FIP1L1: variants seen among roughly 807,000 people sequenced by gnomAD.
FIP1L1 encodes factor interacting with PAPOLA and CPSF1.
Under a neutral mutation model 84.6 loss-of-function variants are expected in FIP1L1, and 21 were observed. The observed-to-expected ratio is 0.25, with a 90% CI of 0.18 to 0.36. The LOEUF (loss-of-function observed/expected upper bound fraction) is 0.36. FIP1L1 is among the 10% of genes least tolerant of loss of function. The pLI is 1.00. For missense variants in FIP1L1, 526 were observed against 751.1 expected (o/e 0.70, Z 3.50); for synonymous variants, 263 against 242.3 (o/e 1.09, Z -0.80).
At chr4:53,439,875 C>T (rs1325849025) in intron 13 of FIP1L1, among the ~76,000 whole-genome samples, 3 of 151,876 alleles carry the variant, frequency 2.0e-5, no homozygotes, top group Non-Finnish European at 2.9e-5. Flanking sequence ...CATTTGGTCC[C>T]TGTAAATTAA....
intron 10 of FIP1L1, among the ~76,000 whole-genome samples, chr4:53,405,317 GT>G (rs758107359): frequency 6.6e-6 from 1 of 152,136 alleles, no homozygotes; most frequent in Non-Finnish European, 1.5e-5. Context: ...TCAGATAGTT[GT>G]AGACATGCGG....
chr4:53,397,986 C>A (rs1180137969), intron 9 of FIP1L1, among the ~76,000 whole-genome samples: 1 of 152,152 alleles, frequency 6.6e-6, no homozygotes, highest in African/African-American at 2.4e-5. Context: ...AGTGTCAACT[C>A]TGAATATTCC....
At chr4:53,437,665 T>C (rs929381333) in intron 13 of FIP1L1, among the ~76,000 whole-genome samples, 2 of 151,930 alleles carry the variant, frequency 1.3e-5, no homozygotes. Context: ...TTTAAGAGAC[T>C]CTCCAGGTGA....
chr4:53,440,837 C>A (rs1456905586), intron 13 of FIP1L1: 1 of 466,870 alleles, frequency 2.1e-6, no homozygotes. Flanking sequence ...TGAGAAAATT[C>A]TTACCTATTC....
intron 13 of FIP1L1, chr4:53,440,610 T>C: frequency 6.6e-7 from 1 of 1,521,470 alleles, no homozygotes; most frequent in Non-Finnish European, 9.0e-7. Context: ...CACCTCCAGG[T>C]AAAACTTTTT....
At chr4:53,402,837 A>G (rs557420860) in intron 10 of FIP1L1, among the ~76,000 whole-genome samples, 7 of 152,366 alleles carry the variant, frequency 4.6e-5, no homozygotes, top group South Asian at 2.1e-4. Context: ...AATATGAAGT[A>G]GAGAAGTTGC....
At position 53,389,790 on chromosome 4, in the gene FIP1L1, TTTG is replaced by T; in HGVS notation, c.333-16_333-14del. The T allele has an allele frequency of 2.5e-6, 4 of 1,589,242 alleles. No homozygotes were observed. The highest frequency in any genetic ancestry group is 1.2e-5 in the South Asian group (1 of 86,002). On this transcript the variant is annotated splice_polypyrimidine_tract_variant and intron_variant, in intron 5 of 17. Coordinates refer to ENST00000337488, the MANE Select transcript of FIP1L1 (RefSeq NM_030917.4). Reference sequence around the variant, plus strand: ...CTTTTCAGGATAATTTCTGTTTTTTTTTGTTTGTTTGTTTTTAGGAGTTATGGT... The same window carrying T: ...CTTTTCAGGATAATTTCTGTTTTTTTTTTGTTTGTTTTTAGGAGTTATGGT...
At chr4:53,413,036 C>T (rs116358082) in intron 10 of FIP1L1, among the ~76,000 whole-genome samples, 360 of 152,132 alleles carry the variant, frequency 2.4e-3, no homozygotes, top group African/African-American at 8.0e-3. Flanking sequence ...ACAAATGTAG[C>T]TTATTTGTAT....
intron 13 of FIP1L1, among the ~76,000 whole-genome samples, chr4:53,432,695 G>A (rs1234796869): frequency 2.0e-5 from 3 of 152,058 alleles, no homozygotes. Context: ...TTCTAATTTT[G>A]CACTGAGGAA....
chr4:53,385,512 A>G (rs1476018902), intron 5 of FIP1L1, among the ~76,000 whole-genome samples: 1 of 152,134 alleles, frequency 6.6e-6, no homozygotes, highest in Non-Finnish European at 1.5e-5. Flanking sequence ...TCTTCAAAAA[A>G]ACAAGAAACT....
chr4:53,390,450 TTC>T, intron 6 of FIP1L1, 69 bp from the exon 7 acceptor site: 1 of 875,896 alleles, frequency 1.1e-6, no homozygotes, highest in Non-Finnish European at 1.9e-6. Context: ...TGTTTATATT[TTC>T]TGTTTGTCTA....
intron 15 of FIP1L1, among the ~76,000 whole-genome samples, chr4:53,449,686 G>A (rs985817628): frequency 1.3e-5 from 2 of 152,032 alleles, no homozygotes; most frequent in African/African-American, 2.4e-5. Flanking sequence ...GGGAGTTTGT[G>A]TAATATTGGA....
intron 10 of FIP1L1, among the ~76,000 whole-genome samples, chr4:53,402,332 TG>T (rs149657201): frequency 0.018 from 2,744 of 152,178 alleles, 86 homozygotes; most frequent in African/African-American, 0.063. Context: ...TTTCTTTCTG[TG>T]GGGGCCAGAG....
intron 11 of FIP1L1, among the ~76,000 whole-genome samples, chr4:53,417,117 C>T (rs1278222500): frequency 6.6e-6 from 1 of 152,084 alleles, no homozygotes; most frequent in African/African-American, 2.4e-5. Flanking sequence ...TAGTACTTTA[C>T]TTTTGGACAC....
chr4:53,399,709 T>C (rs1333966452), intron 9 of FIP1L1, 21 bp from the exon 10 acceptor site: 2 of 1,523,470 alleles, frequency 1.3e-6, no homozygotes, highest in Admixed American at 1.7e-5. Context: ...TTCAACAAGC[T>C]AATAACCTTT....
At chr4:53,386,061 A>G (rs1740904269) in intron 5 of FIP1L1, among the ~76,000 whole-genome samples, 1 of 150,108 alleles carries the variant, frequency 6.7e-6, no homozygotes, top group South Asian at 2.1e-4. Context: ...TTTGCGTAAC[A>G]TACCTTTGTT....
In FIP1L1 at chr4:53,399,102, G is replaced by A. The variant is rs528201930; in HGVS notation, c.706-628G>A. 2.6e-4 allele frequency among the ~76,000 whole-genome samples: 39 copies of A among 152,296 alleles called. No individual in the cohort carries two copies. The East Asian group carries it at 2.9e-3, about 11-fold the overall frequency. ...CAGGAGGTGGAGGCTTCAGTGAGCC[G>A]TGATTGCACGACTGTACTCCAGCCT... On this transcript the variant is annotated intron_variant, in intron 9 of 17. Coordinates refer to ENST00000337488, the MANE Select transcript of FIP1L1 (RefSeq NM_030917.4).
intron 9 of FIP1L1, among the ~76,000 whole-genome samples, chr4:53,395,272 G>A (rs1190797051): frequency 2.0e-5 from 3 of 152,148 alleles, no homozygotes; most frequent in Admixed American, 1.3e-4. Flanking sequence ...ATATTATGAA[G>A]AAATTAAGGA....
chr4:53,392,707 G>C (rs1282255679), intron 9 of FIP1L1, among the ~76,000 whole-genome samples: 2 of 151,934 alleles, frequency 1.3e-5, no homozygotes, highest in Admixed American at 6.6e-5. Context: ...TTTTGTAGTA[G>C]ACTTAAAAAG....
Sources: gnomAD v4.1 joint callset for allele counts (sites outside exome capture counted in the v4.1 genomes callset) on GRCh38, gnomAD v4.1.1 for gene constraint, MANE v1.5 for transcripts, NCBI Gene and HGNC (gene_info 2026-07-23, HGNC 2026-07-21) for gene names.